The following AGL variants were observed in gnomAD, a reference collection of about 807,000 sequenced individuals.
The protein encoded by AGL is amylo-alpha-1,6-glucosidase and 4-alpha-glucanotransferase.
In AGL, 128 loss-of-function variants were observed where a neutral mutation model predicts 199.3. The ratio of observed to expected loss-of-function variants is 0.64; its 90% CI spans 0.56 to 0.74. The LOEUF (loss-of-function observed/expected upper bound fraction) is 0.74. Among genes scored for constraint, AGL ranks in the 30% least tolerant of loss-of-function variants. AGL has a pLI of 0.00. For missense variants in AGL, 1,809 were observed against 1,820.8 expected (o/e 0.99, Z 0.12); for synonymous variants, 584 against 594.7 (o/e 0.98, Z 0.26).
intron 26 of AGL, among the ~76,000 whole-genome samples, chr1:99,901,236 G>C (rs963571593): frequency 6.6e-6 from 1 of 151,892 alleles, no homozygotes; most frequent in Non-Finnish European, 1.5e-5. Flanking sequence ...GATGGAGAAA[G>C]TTGTTGGGAG....
At chr1:99,890,221 A>G (rs1234073120) in intron 21 of AGL, among the ~76,000 whole-genome samples, 2 of 152,186 alleles carry the variant, frequency 1.3e-5, no homozygotes, top group East Asian at 3.8e-4. Flanking sequence ...TCATCTACAA[A>G]TCATTCCATT....
intron 7 of AGL, among the ~76,000 whole-genome samples, chr1:99,871,644 T>G (rs1469740877): frequency 6.6e-6 from 1 of 152,170 alleles, no homozygotes; most frequent in East Asian, 1.9e-4. Context: ...TGGCTTGAGC[T>G]CTAGGATACT....
chr1:99,866,346 C>T (rs1476748515), intron 5 of AGL, among the ~76,000 whole-genome samples: 1 of 152,122 alleles, frequency 6.6e-6, no homozygotes, highest in Non-Finnish European at 1.5e-5. Flanking sequence ...GATGGTAGTT[C>T]AGTGGTGATA....
At chr1:99,901,014 G>A (rs751224005) in intron 26 of AGL, among the ~76,000 whole-genome samples, 153 bp downstream of exon 26, 1 of 151,568 alleles carries the variant, frequency 6.6e-6, no homozygotes, top group Non-Finnish European at 1.5e-5. Context: ...GGTACTATAA[G>A]TGATTGGTCT....
chr1:99,857,201 C>G (rs1251316152), intron 2 of AGL, among the ~76,000 whole-genome samples: 1 of 152,240 alleles, frequency 6.6e-6, no homozygotes, highest in East Asian at 1.9e-4. Context: ...AGGCGCTCCT[C>G]ACATCCCAGA....
chr1:99,907,492 A>G (rs929829676), intron 27 of AGL, among the ~76,000 whole-genome samples: 2 of 152,142 alleles, frequency 1.3e-5, no homozygotes, highest in African/African-American at 4.8e-5. Context: ...GCTGGATCAT[A>G]TGATAATTGT....
intron 1 of AGL, chr1:99,850,730 G>GT (rs758360729): frequency 9.0e-5 from 31 of 346,046 alleles, no homozygotes; most frequent in Non-Finnish European, 1.5e-4. Flanking sequence ...AATGGTCTAG[G>GT]TTTTTAATTT....
chr1:99,866,537 A>G (rs557133471), intron 5 of AGL, among the ~76,000 whole-genome samples: 45 of 152,322 alleles, frequency 3.0e-4, no homozygotes, highest in Non-Finnish European at 6.3e-4. Flanking sequence ...CATCACAGGA[A>G]TTTGTCTCTT....
chr1:99,862,205 G>C, intron 3 of AGL, 52 bp from the exon 4 acceptor site: 1 of 1,555,502 alleles, frequency 6.4e-7, no homozygotes, highest in Middle Eastern at 1.7e-4. Flanking sequence ...ATTATATGAG[G>C]ATTTTTTTTC....
At chr1:99,895,205 C>T (rs1226930843) in intron 24 of AGL, among the ~76,000 whole-genome samples, 7 of 152,218 alleles carry the variant, frequency 4.6e-5, no homozygotes, top group East Asian at 1.9e-4. Context: ...CCCACTACCA[C>T]GCCTGGCTAA....
At chr1:99,908,952 A>G (rs929492550) in intron 27 of AGL, among the ~76,000 whole-genome samples, 6 of 152,100 alleles carry the variant, frequency 3.9e-5, no homozygotes, top group Non-Finnish European at 8.8e-5. Flanking sequence ...GGGTGTGTTA[A>G]TGCTCATCTG....
At chr1:99,913,149 A>G (rs927788648) in intron 29 of AGL, among the ~76,000 whole-genome samples, 25 of 152,040 alleles carry the variant, frequency 1.6e-4, no homozygotes, top group Admixed American at 3.3e-4. Context: ...GAGCCCAGGA[A>G]GCGGAGGTTG....
chr1:99,897,509 T>C (rs889689587), intron 25 of AGL, among the ~76,000 whole-genome samples: 1 of 152,244 alleles, frequency 6.6e-6, no homozygotes, highest in Non-Finnish European at 1.5e-5. Context: ...TTTTGATACT[T>C]TTAAAACTGA....
intron 24 of AGL, among the ~76,000 whole-genome samples, chr1:99,895,865 A>T (rs1006834296): frequency 2.0e-5 from 3 of 152,188 alleles, no homozygotes; most frequent in Non-Finnish European, 4.4e-5. Context: ...AGTCTCAGCT[A>T]CTTGGGAGGC....
At chr1:99,877,898 A>T in intron 12 of AGL, 70 bp downstream of exon 12, 2 of 1,462,838 alleles carry the variant, frequency 1.4e-6, no homozygotes, top group Non-Finnish European at 1.9e-6. Context: ...CCTTAAGTAA[A>T]CTATGCAGGT....
At position 99,864,534 on chromosome 1, in the gene AGL, A is replaced by G. The variant is rs186709388; in HGVS notation, c.609A>G (p.Lys203=). 2.5e-5 allele frequency: 40 copies of G among 1,613,998 alleles called. No homozygotes were observed. In the Admixed American group the frequency reaches 6.7e-4, roughly 27 times the overall value. The change falls in exon 5 of 34, where the codon AAA becomes AAG. Residue 203 remains lysine, a synonymous_variant. Coordinates refer to ENST00000361915, the MANE Select transcript of AGL (RefSeq NM_000642.3). ...ATGATGTTGGACAGCTAGTGGAAAA[A>G]TTAAAAAAGGAATGGAATGTTATTT... is the stretch of plus-strand genomic sequence containing the variant. ...TWNDVGQLVE[K]LKKEWNVICI... is the part of the protein sequence containing the mutation.
At chr1:99,902,426 C>T (rs1304530210) in intron 26 of AGL, among the ~76,000 whole-genome samples, 2 of 152,162 alleles carry the variant, frequency 1.3e-5, no homozygotes, top group African/African-American at 4.8e-5. Context: ...TAGAAGCTCA[C>T]TAGATTTGTT....
At chr1:99,863,145 G>A (rs962662871) in intron 4 of AGL, among the ~76,000 whole-genome samples, 2 of 151,798 alleles carry the variant, frequency 1.3e-5, no homozygotes, top group African/African-American at 4.8e-5. Flanking sequence ...TCACCATGTT[G>A]GCCAGGCTGG....
At chr1:99,882,020 T>C (rs1245051291) in intron 17 of AGL, among the ~76,000 whole-genome samples, 1 of 151,706 alleles carries the variant, frequency 6.6e-6, no homozygotes, top group Non-Finnish European at 1.5e-5. Context: ...ATGCCTGTAG[T>C]CTTGGCTACT....
Sources: allele counts gnomAD v4.1 joint callset (sites outside exome capture counted in the v4.1 genomes callset), GRCh38; gene constraint gnomAD v4.1.1; transcripts MANE v1.5; gene names NCBI Gene and HGNC (gene_info 2026-07-23, HGNC 2026-07-21).